Variants in LIPA observed in about 807,000 individuals in gnomAD.
The protein encoded by LIPA is lipase A, lysosomal acid type.
A neutral mutation model predicts 40.6 loss-of-function variants in LIPA; 26 were observed. That is an observed-to-expected ratio of 0.64 (90% confidence interval 0.47 to 0.89). The LOEUF is 0.89. LIPA is among the 40% of genes least tolerant of loss of function. The probability of loss-of-function intolerance (pLI) is 0.00; values close to 1 mark genes in which losing one functional copy is unlikely to be tolerated. For missense variants in LIPA, 455 were observed against 479.6 expected, an observed-to-expected ratio of 0.95 and a Z score of 0.48; for synonymous variants, 188 against 168.4, an observed-to-expected ratio of 1.12 and a Z score of -0.90.
At chr10:89,306,538 C>A (rs867132557) in intron 1 of LIPA, 1 of 1,614,080 alleles carries the variant, frequency 6.2e-7, no homozygotes, top group Middle Eastern at 1.6e-4. Flanking sequence ...CTCAGAACGC[C>A]ATTGACCCTC....
At chr10:89,247,485 C>A in intron 2 of LIPA, 53 bp downstream of exon 2, 4 of 978,248 alleles carry the variant, frequency 4.1e-6, no homozygotes, top group East Asian at 3.0e-5. Context: ...GCTCACATAA[C>A]TGGATCGGGG....
intron 2 of LIPA, among the ~76,000 whole-genome samples, chr10:89,390,028 CTGGAGTGCAATGAAA>C (rs1844234804): frequency 7.8e-6 from 1 of 127,970 alleles, no homozygotes; most frequent in South Asian, 2.4e-4. Flanking sequence ...GTTGCCCAGG[CTGGAGTGCAATGAAA>C]TGGCACGATC....
chr10:89,323,046 G>C (rs1035205142), intron 1 of LIPA, among the ~76,000 whole-genome samples: 20 of 152,186 alleles, frequency 1.3e-4, no homozygotes, highest in African/African-American at 4.6e-4. Flanking sequence ...AGCCAGGCAA[G>C]CCATGCCTGC....
intron 1 of LIPA, chr10:89,335,557 A>G (rs1445987913): frequency 1.3e-5 from 2 of 152,026 alleles, no homozygotes; most frequent in African/African-American, 4.8e-5. Flanking sequence ...AAAAAAAAAA[A>G]AAGAGAGAGA....
chr10:89,287,159 G>A (rs947506805), intron 1 of LIPA, among the ~76,000 whole-genome samples: 4 of 152,226 alleles, frequency 2.6e-5, no homozygotes, highest in Non-Finnish European at 4.4e-5. Context: ...TCTGGGCTTA[G>A]TGGCTGAAGA....
chr10:89,333,876 A>C (rs999397458), intron 1 of LIPA, among the ~76,000 whole-genome samples: 2 of 152,244 alleles, frequency 1.3e-5, no homozygotes, highest in African/African-American at 2.4e-5. Flanking sequence ...CATTTTAAAA[A>C]GATCTCCAGA....
rs1266616871 is a variant in LIPA, at chr10:89,334,492, T to C, written c.-2+8119A>G. Among the ~76,000 whole-genome samples the C allele has an allele frequency of 1.9e-4, 17 of 90,966 alleles. No homozygotes were observed. In the East Asian group the frequency reaches 3.0e-3, roughly 16 times the overall value. 59.7% of individuals were successfully genotyped at this position (90,966 alleles called of 152,430 possible). ...TTTCTTTTATTCTTTTTTTTTTTTT[T>C]TTTTTTTTTTTTTTTTTTTTTGAGA... On this transcript the variant is annotated intron_variant, in intron 1 of 5. Coordinates refer to the LIPA transcript ENST00000282673.
intron 2 of LIPA, among the ~76,000 whole-genome samples, chr10:89,372,249 G>A (rs934875587): frequency 2.6e-5 from 4 of 152,216 alleles, no homozygotes; most frequent in African/African-American, 9.6e-5. Context: ...CCCCTAGTGT[G>A]TGCAGCCAGC....
At chr10:89,332,642 C>T (rs1843667262) in intron 1 of LIPA, 3 of 1,612,946 alleles carry the variant, frequency 1.9e-6, no homozygotes, top group African/African-American at 2.7e-5. Flanking sequence ...ATAGTCCCTG[C>T]TTCTCTGATA....
chr10:89,263,079 A>G (rs1000765127), intron 1 of LIPA, among the ~76,000 whole-genome samples: 4 of 152,226 alleles, frequency 2.6e-5, no homozygotes, highest in Admixed American at 2.6e-4. Flanking sequence ...TTCTCTTCAC[A>G]TACAAAATAG....
rs1844140638 is a variant in LIPA at position 89,378,781 on chromosome 10, A to G, written c.61+34010T>C. 3.3e-5 allele frequency among the ~76,000 whole-genome samples: 5 copies of G among 152,370 alleles called. No homozygotes were observed. The South Asian group carries it at 1.0e-3, about 32-fold the overall frequency. On this transcript the variant is annotated intron_variant, in intron 2 of 8. Coordinates refer to the LIPA transcript ENST00000371837. ...AGAGGCAAGTTTCCTAACTCCTGTT[A>G]CAGAGCTCGCTTAGTAAGGGTAGCT...
chr10:89,357,795 A>T (rs1377877073), intron 2 of LIPA, among the ~76,000 whole-genome samples: 2 of 152,220 alleles, frequency 1.3e-5, no homozygotes, highest in Non-Finnish European at 2.9e-5. Flanking sequence ...ATTTGAAAGC[A>T]TCAATGCTTG....
At position 89,306,657 on chromosome 10, in the gene LIPA, A is replaced by G. The variant is rs1267997900; in HGVS notation, c.-2+35954T>C. 6.2e-7 allele frequency: 1 copy of G among 1,614,026 alleles called. No individual in the cohort carries two copies. The highest frequency in any genetic ancestry group is 1.3e-5 in the African/African-American group (1 of 74,932). On this transcript the variant is annotated intron_variant, in intron 1 of 5. Transcript: ENST00000282673. Reference sequence around the variant, plus strand: ...GGTGAAGAGGAAGGTGAAGGAGAGAAGTTAGTTGAAGAAGCCTTGGAGAAA... The same window carrying G: ...GGTGAAGAGGAAGGTGAAGGAGAGAGGTTAGTTGAAGAAGCCTTGGAGAAA...
chr10:89,407,046 C>A (rs1249499111), intron 2 of LIPA, among the ~76,000 whole-genome samples: 2 of 152,142 alleles, frequency 1.3e-5, no homozygotes, highest in African/African-American at 2.4e-5. Flanking sequence ...TCTCTAACAA[C>A]CCCCAACTCT....
chr10:89,403,209 G>C (rs758543495), intron 2 of LIPA: 4 of 1,614,178 alleles, frequency 2.5e-6, no homozygotes, highest in Non-Finnish European at 3.4e-6. Context: ...GCAGCCTAGA[G>C]GGCAGAACAG....
chr10:89,342,444 T>G (rs906299319), intron 1 of LIPA: 7 of 152,228 alleles, frequency 4.6e-5, no homozygotes, highest in African/African-American at 1.7e-4. Flanking sequence ...CTCCTGCTCC[T>G]TAAACAAAAG....
At chr10:89,412,670 G>A (rs769507537) in intron 2 of LIPA, 2 of 389,156 alleles carry the variant, frequency 5.1e-6, no homozygotes, top group South Asian at 1.9e-5. Flanking sequence ...CCTGAAGTCA[G>A]TGAAACCACG....
chr10:89,312,419 C>T (rs1001217313), intron 1 of LIPA, among the ~76,000 whole-genome samples: 7 of 151,932 alleles, frequency 4.6e-5, no homozygotes, highest in Non-Finnish European at 8.8e-5. Context: ...ACAGCCTGGG[C>T]AACACAGTGA....
At chr10:89,250,713 G>T (rs1843107398) in intron 1 of LIPA, among the ~76,000 whole-genome samples, 2 of 152,196 alleles carry the variant, frequency 1.3e-5, no homozygotes, top group African/African-American at 4.8e-5. Context: ...GAGAGTAACA[G>T]CTAAAGCTAC....
Sources: allele counts gnomAD v4.1 joint callset (sites outside exome capture counted in the v4.1 genomes callset), GRCh38; gene constraint gnomAD v4.1.1; transcripts MANE v1.5; gene names NCBI Gene and HGNC (gene_info 2026-07-23, HGNC 2026-07-21).